Variants in SPECC1 observed in about 807,000 individuals in gnomAD.
The protein encoded by SPECC1 is cytospin-B.
A neutral mutation model predicts 104.1 loss-of-function variants in SPECC1; 62 were observed. The observed-to-expected ratio is 0.60, with a 90% CI of 0.49 to 0.74. The LOEUF (loss-of-function observed/expected upper bound fraction) is 0.74. SPECC1 is among the 30% of genes least tolerant of loss of function. The probability of loss-of-function intolerance (pLI) is 0.00; values close to 1 mark genes in which losing one functional copy is unlikely to be tolerated. For missense variants in SPECC1, 1,306 were observed against 1,310.5 expected (o/e 1.00, Z 0.05); for synonymous variants, 513 against 501.6 (o/e 1.02, Z -0.30).
chr17:20,161,146 G>A (rs751889891), intron 3 of SPECC1, among the ~76,000 whole-genome samples: 6 of 152,186 alleles, frequency 3.9e-5, no homozygotes, highest in Non-Finnish European at 7.3e-5. Flanking sequence ...GGGAGGCGGA[G>A]GTTGCAGTGA....
At chr17:20,311,552 G>A (rs2041934949) in intron 14 of SPECC1, among the ~76,000 whole-genome samples, 1 of 151,904 alleles carries the variant, frequency 6.6e-6, no homozygotes, top group African/African-American at 2.4e-5. Context: ...CACCATGCCT[G>A]GCTAATTTTT....
At chr17:20,048,136 C>CTA in intron 1 of SPECC1, among the ~76,000 whole-genome samples, 1 of 139,918 alleles carries the variant, frequency 7.1e-6, no homozygotes, top group East Asian at 2.1e-4. Context: ...AGAAATGAGT[C>CTA]TTTTTTTTTT....
chr17:20,034,526 T>G (rs1243363757), intron 1 of SPECC1, among the ~76,000 whole-genome samples: 4 of 152,008 alleles, frequency 2.6e-5, no homozygotes, highest in Non-Finnish European at 4.4e-5. Flanking sequence ...CCACCACGAC[T>G]GGCCTTATAG....
intron 3 of SPECC1, chr17:20,185,051 A>G (rs985174169): frequency 6.6e-6 from 1 of 152,256 alleles, no homozygotes; most frequent in African/African-American, 2.4e-5. Context: ...CAGAATTCAC[A>G]CTGGTTCGAT....
intron 1 of SPECC1, among the ~76,000 whole-genome samples, chr17:20,022,187 C>T (rs938888338): frequency 2.0e-5 from 3 of 152,010 alleles, no homozygotes; most frequent in Non-Finnish European, 4.4e-5. Flanking sequence ...ATGATCCGCC[C>T]GCCTCGGCCT....
chr17:20,294,534 C>G (rs1212219930), intron 12 of SPECC1, among the ~76,000 whole-genome samples: 3 of 152,074 alleles, frequency 2.0e-5, no homozygotes, highest in Admixed American at 1.3e-4. Context: ...TCATCTTGGT[C>G]TGCTTGTTGC....
At position 20,200,991 on chromosome 17, in the gene SPECC1, G is replaced by GT. The variant is rs560626278; in HGVS notation, c.284-3336dup. Among the ~76,000 whole-genome samples, 50 of 152,086 alleles carry GT rather than the reference G, an allele frequency of 3.3e-4. No homozygotes were observed. The South Asian group carries it at 8.7e-3, about 26-fold the overall frequency. On this transcript the variant is annotated intron_variant, in intron 3 of 14. Transcript: ENST00000395527. ...TTCATAAATATACTTTAGTTTCATGGTTTTTTAAAAATTCCTAGTAGTATA... is the reference window on the plus strand; with the variant it reads ...TTCATAAATATACTTTAGTTTCATGGTTTTTTTAAAAATTCCTAGTAGTATA...
chr17:20,178,348 T>G (rs1188765616), intron 3 of SPECC1, among the ~76,000 whole-genome samples: 1 of 152,200 alleles, frequency 6.6e-6, no homozygotes, highest in Non-Finnish European at 1.5e-5. Context: ...CCCTTTCATT[T>G]ACTCCTGGGC....
chr17:20,238,241 G>C, intron 7 of SPECC1: 2 of 1,040,074 alleles, frequency 1.9e-6, no homozygotes, highest in Non-Finnish European at 2.3e-6. Context: ...AATGGAAAAC[G>C]ATTGAATGAC....
Position 20,204,874 on chromosome 17 carries a change from C to T in SPECC1, c.825C>T (p.Cys275=), listed in dbSNP as rs2036669205. Residue 275 remains cysteine (C), a synonymous_variant, in exon 4 of 15, where the codon TGC becomes TGT. Coordinates refer to ENST00000395527, the MANE Select transcript of SPECC1 (RefSeq NM_001243439.2). ...CAAGTCACACTGGCGACAGCAGCTGCCCAACATCCATAACTCAAGAGTCAA... is the reference window on the plus strand; with the variant it reads ...CAAGTCACACTGGCGACAGCAGCTGTCCAACATCCATAACTCAAGAGTCAA... ...GAASHTGDSS[C]PTSITQESSF... The T allele has an allele frequency of 6.2e-7, 1 of 1,613,978 alleles. No homozygotes were observed. The highest frequency in any genetic ancestry group is 1.7e-5 in the Admixed American group (1 of 60,002).
At chr17:20,236,990 A>G (rs1228118142) in intron 7 of SPECC1, 5 of 1,569,188 alleles carry the variant, frequency 3.2e-6, no homozygotes, top group South Asian at 2.3e-5. Flanking sequence ...CTCTTTATAA[A>G]GAGCCCAGTT....
At chr17:20,271,416 C>A (rs1038166319) in intron 12 of SPECC1, among the ~76,000 whole-genome samples, 1 of 151,860 alleles carries the variant, frequency 6.6e-6, no homozygotes, top group Non-Finnish European at 1.5e-5. Context: ...CATTAAGATG[C>A]TGTGAGTGTC....
chr17:20,120,275 A>G (rs1456038055), intron 3 of SPECC1, among the ~76,000 whole-genome samples: 1 of 151,976 alleles, frequency 6.6e-6, no homozygotes, highest in Non-Finnish European at 1.5e-5. Flanking sequence ...AATCCCAGCT[A>G]CTTGGGAGGC....
intron 7 of SPECC1, chr17:20,239,048 G>A (rs1261160445): frequency 9.7e-7 from 1 of 1,032,890 alleles, no homozygotes; most frequent in Non-Finnish European, 1.2e-6. Flanking sequence ...GTTGTAAATA[G>A]GAGGTTGACA....
At chr17:20,242,001 GT>G (rs2039222814) in intron 7 of SPECC1, among the ~76,000 whole-genome samples, 1 of 152,220 alleles carries the variant, frequency 6.6e-6, no homozygotes, top group Admixed American at 6.5e-5. Flanking sequence ...CTTTGTTCAG[GT>G]GTTCAGTAAA....
intron 3 of SPECC1, among the ~76,000 whole-genome samples, chr17:20,121,604 C>T (rs1336646492): frequency 6.6e-6 from 1 of 152,206 alleles, no homozygotes. Flanking sequence ...GCTGGGATTA[C>T]AGACATGAGC....
chr17:20,260,581 G>C (rs763227805), intron 12 of SPECC1, among the ~76,000 whole-genome samples: 1 of 152,234 alleles, frequency 6.6e-6, no homozygotes, highest in African/African-American at 2.4e-5. Flanking sequence ...TCTTTGGTCA[G>C]AGTGTTACTG....
chr17:20,264,015 T>A (rs540126431), intron 12 of SPECC1, among the ~76,000 whole-genome samples: 45 of 152,356 alleles, frequency 3.0e-4, no homozygotes, highest in African/African-American at 1.0e-3. Flanking sequence ...ATTAGAAATA[T>A]GACCATGTGT....
chr17:20,029,496 A>T (rs950838581), intron 1 of SPECC1, among the ~76,000 whole-genome samples: 1 of 152,134 alleles, frequency 6.6e-6, no homozygotes, highest in Non-Finnish European at 1.5e-5. Context: ...TGAAGAACTG[A>T]TGTTAATTTA....
Sources: allele counts gnomAD v4.1 joint callset (sites outside exome capture counted in the v4.1 genomes callset), GRCh38; gene constraint gnomAD v4.1.1; transcripts MANE v1.5; gene names NCBI Gene and HGNC (gene_info 2026-07-23, HGNC 2026-07-21).